ATRX: variants seen among roughly 807,000 people sequenced by gnomAD.
ATRX encodes ATRX chromatin remodeler, also known as chromatin remodeler ATRX.
Under a neutral mutation model 172.6 loss-of-function variants are expected in ATRX, and 12 were observed. The ratio of observed to expected loss-of-function variants is 0.07; its 90% CI spans 0.04 to 0.11. The LOEUF is 0.11. Among genes scored for constraint, ATRX ranks in the 10% least tolerant of loss-of-function variants. The pLI is 1.00. For synonymous variants in ATRX, 674 were observed against 594.7 expected (o/e 1.13, Z -1.94); for missense variants, 1,368 against 1,767.4 (o/e 0.77, Z 4.05).
intron 30 of ATRX, among the ~76,000 whole-genome samples, 183 bp downstream of exon 30, chrX:77,557,268 T>C (rs887978688): frequency 1.8e-5 from 2 of 111,767 alleles, no homozygotes; most frequent in African/African-American, 6.5e-5. Flanking sequence ...TGTGGTGCTA[T>C]ATGGAGAACA....
intron 1 of ATRX, among the ~76,000 whole-genome samples, chrX:77,784,269 T>C (rs1200343878): frequency 8.9e-6 from 1 of 112,093 alleles, no homozygotes; most frequent in Non-Finnish European, 1.9e-5. Context: ...TGAGAATTCA[T>C]CAAGATTATA....
chrX:77,763,153 G>GT (rs782666389), intron 1 of ATRX, among the ~76,000 whole-genome samples: 4 of 107,534 alleles, frequency 3.7e-5, no homozygotes, highest in Non-Finnish European at 7.7e-5. Flanking sequence ...TTTGTTTTTT[G>GT]TTTTTTTTGG....
chrX:77,687,013 G>A (rs956386626), intron 7 of ATRX, among the ~76,000 whole-genome samples: 18 of 108,497 alleles, frequency 1.7e-4, no homozygotes, highest in South Asian at 4.1e-4. Flanking sequence ...AATTAGCCAG[G>A]TGTGGTAGTG....
At chrX:77,524,569 C>G (rs937286261) in intron 30 of ATRX, among the ~76,000 whole-genome samples, 37 of 110,665 alleles carry the variant, frequency 3.3e-4, no homozygotes, top group African/African-American at 1.1e-3. Context: ...TCATGAGGCC[C>G]CAGGTTTTTT....
At chrX:77,687,172 A>G (rs1393527861) in intron 7 of ATRX, among the ~76,000 whole-genome samples, 1 of 108,779 alleles carries the variant, frequency 9.2e-6, no homozygotes, top group African/African-American at 3.3e-5. Flanking sequence ...AAAAAAAAAA[A>G]AAAAAAGTTT....
intron 10 of ATRX, among the ~76,000 whole-genome samples, chrX:77,667,417 AC>A (rs2070321225): frequency 1.8e-5 from 2 of 109,730 alleles, no homozygotes; most frequent in African/African-American, 6.7e-5. Flanking sequence ...AAGATCTCAT[AC>A]CATCATTTGG....
chrX:77,689,386 A>G (rs1455890322), intron 6 of ATRX, among the ~76,000 whole-genome samples: 1 of 112,278 alleles, frequency 8.9e-6, no homozygotes, highest in Non-Finnish European at 1.9e-5. Flanking sequence ...GATCCTATCA[A>G]TATGGTATGT....
chrX:77,645,450 T>C (rs1423155479), intron 15 of ATRX, among the ~76,000 whole-genome samples: 1 of 111,809 alleles, frequency 8.9e-6, no homozygotes, highest in African/African-American at 3.3e-5. Context: ...CAGCTGAGGA[T>C]TCTATACCCA....
chrX:77,587,496 C>T (rs1436328556), intron 27 of ATRX, among the ~76,000 whole-genome samples: 4 of 112,039 alleles, frequency 3.6e-5, no homozygotes, highest in Non-Finnish European at 7.5e-5. Flanking sequence ...ATCCACAAAA[C>T]TAACATCATA....
In ATRX at chrX:77,616,625, C is replaced by T. The variant is rs2148242917; in HGVS notation, c.5554G>A (p.Asp1852Asn). ...GTGTATTGTTTACCTGTTAAGTGAT[C>T]TAAGTAGTACTGATAGAGCTTGCAC... ...IQCKLYQYYL[D>N]HLTGVGNNSE... The change falls in exon 22 of 35, where the codon GAT (aspartate) becomes AAT (asparagine). Residue 1852 changes from aspartate (D) to asparagine (N), a missense_variant. Physicochemically the swap from Asp to Asn is conservative, Grantham distance 23. Around this residue, in one of 17 missense-constraint regions of ATRX, gnomAD observed 12 missense variants for 16.0 expected, o/e 0.75. Coordinates refer to ENST00000373344, the MANE Select transcript of ATRX (RefSeq NM_000489.6). 8.4e-7 allele frequency: 1 copy of T among 1,187,671 alleles called. No individual in the cohort carries two copies. The highest frequency in any genetic ancestry group is 1.1e-6 in the Non-Finnish European group (1 of 873,979).
intron 28 of ATRX, among the ~76,000 whole-genome samples, chrX:77,567,934 G>T (rs2147993878): frequency 9.0e-6 from 1 of 111,149 alleles, no homozygotes; most frequent in Non-Finnish European, 1.9e-5. Context: ...CATGCTTCTA[G>T]CTGAGCCAAA....
chrX:77,552,940 T>C (rs2064617585), intron 30 of ATRX, among the ~76,000 whole-genome samples: 1 of 111,772 alleles, frequency 8.9e-6, no homozygotes, highest in South Asian at 3.7e-4. Flanking sequence ...ATTTAATTAT[T>C]ACTTAGATAA....
chrX:77,610,722 T>C (rs997041435), intron 22 of ATRX, among the ~76,000 whole-genome samples: 18 of 110,107 alleles, frequency 1.6e-4, no homozygotes, highest in Non-Finnish European at 2.8e-4. Flanking sequence ...ATATATTCTA[T>C]ATATTCCTAA....
In ATRX at chrX:77,682,758, G is replaced by A. The variant is rs182402019; in HGVS notation, c.2498C>T (p.Ala833Val). 2 of 1,210,389 alleles carry A rather than the reference G, an allele frequency of 1.7e-6. No individual in the cohort carries two copies. Among genetic ancestry groups the A allele is most frequent in the East Asian group, 5.9e-5 (2 of 33,813 alleles). The change falls in exon 9 of 35, where the codon GCT becomes GTT. Residue 833 changes from alanine to valine, a missense_variant. By Grantham distance (64) the Ala-to-Val change is moderately conservative. Transcript: ENST00000373344. ...KEIKSMSKIG[A>V]ARTTKKRIPN... ...AATTCTTTTTTTGGTGGTTCTGGCA[G>A]CACCAATTTTACTCATGCTCTTTAT...
At chrX:77,710,582 ACATCCATAC>A in intron 2 of ATRX, among the ~76,000 whole-genome samples, 1 of 111,246 alleles carries the variant, frequency 9.0e-6, no homozygotes, top group East Asian at 2.8e-4. Context: ...CTCAATCTGT[ACATCCATAC>A]CATGGAATAT....
chrX:77,766,572 C>T (rs2075952855), intron 1 of ATRX, among the ~76,000 whole-genome samples: 1 of 109,233 alleles, frequency 9.2e-6, no homozygotes, highest in South Asian at 4.0e-4. Context: ...GCGCTCCTCA[C>T]ATCCCAGACG....
At chrX:77,735,204 G>A (rs1293578902) in intron 1 of ATRX, among the ~76,000 whole-genome samples, 3 of 112,571 alleles carry the variant, frequency 2.7e-5, no homozygotes, top group Non-Finnish European at 5.6e-5. Context: ...GCTCATACCT[G>A]TAATCTCAGC....
intron 2 of ATRX, among the ~76,000 whole-genome samples, chrX:77,713,877 T>C (rs1237573312): frequency 1.8e-5 from 2 of 111,721 alleles, no homozygotes; most frequent in Non-Finnish European, 3.8e-5. Context: ...TGTGATGACA[T>C]ATCACTCCCA....
chrX:77,740,055 A>C (rs1557181317), intron 1 of ATRX, among the ~76,000 whole-genome samples: 1 of 62,412 alleles, frequency 1.6e-5, no homozygotes, highest in African/African-American at 9.8e-5. Context: ...CTCCATCCCA[A>C]AAAAAAAAAA....
Sources: allele counts gnomAD v4.1 joint callset (sites outside exome capture counted in the v4.1 genomes callset), GRCh38; gene constraint gnomAD v4.1.1; regional missense constraint gnomAD v4.1.1; transcripts MANE v1.5; gene names NCBI Gene and HGNC (gene_info 2026-07-23, HGNC 2026-07-21).